Variants in FAIM2 observed in about 807,000 individuals in gnomAD.
FAIM2 encodes Fas apoptotic inhibitory molecule 2, also known as protein lifeguard 2.
FAIM2 carries 27 observed loss-of-function variants against 47.4 expected under a neutral mutation model. The ratio of observed to expected loss-of-function variants is 0.57; its 90% CI spans 0.42 to 0.78. The LOEUF is 0.78. Ranked by LOEUF, FAIM2 falls within the 30% of genes least tolerant of loss-of-function variation. The pLI is 0.00. For missense variants in FAIM2, 311 were observed against 389.4 expected, an observed-to-expected ratio of 0.80 and a Z score of 1.69; for synonymous variants, 156 against 159.3, an observed-to-expected ratio of 0.98 and a Z score of 0.16.
intron 11 of FAIM2, among the ~76,000 whole-genome samples, chr12:49,880,160 A>ATG (rs1293528604): frequency 0.06 from 3,299 of 54,848 alleles, 37 homozygotes; most frequent in African/African-American, 0.2. Context: ...ATGTGTGTGC[A>ATG]TGTGTGTATG....
At position 49,889,490 on chromosome 12, in the gene FAIM2, G is replaced by T; in HGVS notation, c.642C>A (p.Phe214Leu). The T allele has an allele frequency of 2.5e-6, 4 of 1,614,042 alleles. No homozygotes were observed. In the South Asian group the frequency reaches 4.4e-5, roughly 18 times the overall value. ...AGGCCCCAGAGCTGACCTTGGTCTG[G>T]AAGCTGAAGACGGTGACTGAGAGGC... ...LVCLSVTVFS[F>L]QTKFDFTSCQ... The change falls in exon 9 of 12, where the codon TTC becomes TTA. Residue 214 changes from phenylalanine to leucine, a missense_variant. By Grantham distance (22) the Phe-to-Leu change is conservative. Transcript: ENST00000320634.
intron 11 of FAIM2, among the ~76,000 whole-genome samples, chr12:49,881,769 G>A (rs1010809220): frequency 1.1e-4 from 17 of 152,190 alleles, no homozygotes; most frequent in Non-Finnish European, 1.5e-5. Context: ...TGAGGGATAT[G>A]GGGTAGGGGT....
intron 2 of FAIM2, among the ~76,000 whole-genome samples, chr12:49,899,307 C>A (rs12578162): frequency 0.029 from 4,455 of 152,250 alleles, 231 homozygotes; most frequent in East Asian, 0.13. Context: ...ACTGTCCCCA[C>A]TAGGTTTCCA....
In FAIM2 at chr12:49,897,581, G is replaced by A. The variant is rs1565619980; in HGVS notation, c.318C>T (p.Val106=). The A allele has an allele frequency of 6.2e-7, 1 of 1,613,758 alleles. No individual in the cohort carries two copies. The highest frequency in any genetic ancestry group is 8.5e-7 in the Non-Finnish European group (1 of 1,179,748). The change falls in exon 4 of 12, where the codon GTC becomes GTT. Residue 106 remains valine, a splice_region_variant and synonymous_variant. Transcript: ENST00000320634. ...QKVRRVFVRK[V]YTILLIQLLV... Reference sequence around the variant, plus strand: ...GCAGCTGAATCAGCAGGATGGTGTAGACCTGGGGGTGGGAGGGGTTCTACT... The same window carrying A: ...GCAGCTGAATCAGCAGGATGGTGTAAACCTGGGGGTGGGAGGGGTTCTACT...
chr12:49,879,560 A>C (rs111068143), intron 11 of FAIM2, among the ~76,000 whole-genome samples: 4,534 of 149,322 alleles, frequency 0.03, 231 homozygotes, highest in African/African-American at 0.11. Flanking sequence ...GTGTATGTGC[A>C]TGCATGTATA....
rs1489258546 is a variant in FAIM2, at chr12:49,879,334, GTGTT to G, written c.801+8048_801+8051del. Among the ~76,000 whole-genome samples the G allele has an allele frequency of 2.7e-5, 4 of 149,198 alleles. No homozygotes were observed. In the East Asian group the frequency reaches 6.0e-4, roughly 22 times the overall value. On this transcript the variant is annotated intron_variant, in intron 11 of 11. Coordinates refer to ENST00000320634, the MANE Select transcript of FAIM2 (RefSeq NM_012306.4). ...TGCATGTGTATATGTGCGTGTGTAT[GTGTT>G]TATGTGTGCATGTGAGTGCATGTGT...
intron 11 of FAIM2, among the ~76,000 whole-genome samples, chr12:49,875,991 G>A (rs147955234): frequency 0.011 from 1,688 of 152,192 alleles, 19 homozygotes; most frequent in Non-Finnish European, 0.017. Flanking sequence ...AAAGGAACCA[G>A]GAGGCAAGGT....
At chr12:49,890,789 C>T (rs1317993778) in intron 6 of FAIM2, 67 bp from the exon 7 acceptor site, 19 of 1,413,830 alleles carry the variant, frequency 1.3e-5, no homozygotes, top group Non-Finnish European at 1.9e-5. Context: ...GGCTGTGACA[C>T]TGTTGCAGGG....
Position 49,903,801 on chromosome 12 carries a change from C to T in FAIM2, c.-9G>A, listed in dbSNP as rs1392960684. 5.8e-6 allele frequency: 9 copies of T among 1,543,452 alleles called. No individual in the cohort carries two copies. The highest frequency in any genetic ancestry group is 7.9e-6 in the Non-Finnish European group (9 of 1,143,454). On this transcript the variant is annotated 5_prime_UTR_variant, in exon 1 of 12. Transcript: ENST00000320634. ...ACCTTTCCCTGGGTCATGGTGCCGT[C>T]TCTCGGGGAAGGGGTCCCTGAGGCC...
At chr12:49,878,814 ATGTG>A in intron 11 of FAIM2, among the ~76,000 whole-genome samples, 1 of 65,996 alleles carries the variant, frequency 1.5e-5, no homozygotes, top group Non-Finnish European at 2.6e-5. Context: ...GTGCATGTGA[ATGTG>A]TGTATATGTG....
At chr12:49,890,611 C>T in intron 7 of FAIM2, 72 bp downstream of exon 7, 1 of 1,458,374 alleles carries the variant, frequency 6.9e-7, no homozygotes, top group Non-Finnish European at 9.6e-7. Flanking sequence ...TCCTGGTCCT[C>T]AATCCACCCT....
chr12:49,890,805 G>A (rs925834740), intron 6 of FAIM2, 83 bp from the exon 7 acceptor site: 2 of 1,190,232 alleles, frequency 1.7e-6, no homozygotes, highest in African/African-American at 1.5e-5. Flanking sequence ...CAGGGAGGGG[G>A]TCTCTGACCA....
At chr12:49,897,772 C>CCA (rs1565620082) in intron 3 of FAIM2, among the ~76,000 whole-genome samples, 189 bp from the exon 4 acceptor site, 1 of 151,978 alleles carries the variant, frequency 6.6e-6, no homozygotes, top group Non-Finnish European at 1.5e-5. Flanking sequence ...GCACCCCCCC[C>CCA]CAGCATTGGG....
chr12:49,889,608 G>C (rs768436409), intron 8 of FAIM2, 40 bp from the exon 9 acceptor site: 1 of 1,544,648 alleles, frequency 6.5e-7, no homozygotes, highest in East Asian at 2.2e-5. Context: ...CTCAGGCAGG[G>C]CATCTGGTCT....
chr12:49,888,693 G>T (rs1946878215), intron 10 of FAIM2, among the ~76,000 whole-genome samples: 1 of 152,182 alleles, frequency 6.6e-6, no homozygotes, highest in Admixed American at 6.5e-5. Context: ...TGGCCAGCTA[G>T]ATTCTGCCTC....
chr12:49,878,008 A>C (rs1224519875), intron 11 of FAIM2, among the ~76,000 whole-genome samples: 1 of 147,216 alleles, frequency 6.8e-6, no homozygotes, highest in Non-Finnish European at 1.5e-5. Flanking sequence ...GTGCATGTGC[A>C]TGTGTGTATG....
intron 10 of FAIM2, among the ~76,000 whole-genome samples, chr12:49,887,774 C>T (rs1946872157): frequency 6.6e-6 from 1 of 152,062 alleles, no homozygotes; most frequent in Non-Finnish European, 1.5e-5. Context: ...TGAGGCTGCT[C>T]CCGCCTCCCA....
At chr12:49,900,308 G>T in intron 2 of FAIM2, 2 of 965,566 alleles carry the variant, frequency 2.1e-6, no homozygotes, top group Non-Finnish European at 2.7e-6. Context: ...CTAGAATCCT[G>T]CTGGAGGTGG....
chr12:49,897,767 C>CG (rs200587700), intron 3 of FAIM2, among the ~76,000 whole-genome samples, 184 bp from the exon 4 acceptor site: 3 of 151,868 alleles, frequency 2.0e-5, no homozygotes, highest in Admixed American at 1.3e-4. Flanking sequence ...CAAGCGCACC[C>CG]CCCCCCAGCA....
Sources: gnomAD v4.1 joint callset for allele counts (sites outside exome capture counted in the v4.1 genomes callset) on GRCh38, gnomAD v4.1.1 for gene constraint, MANE v1.5 for transcripts, NCBI Gene and HGNC (gene_info 2026-07-23, HGNC 2026-07-21) for gene names.